SYT1: variants seen among roughly 807,000 people sequenced by gnomAD.
SYT1 encodes synaptotagmin-1.
Under a neutral mutation model 44.8 loss-of-function variants are expected in SYT1, and 8 were observed. That is an observed-to-expected ratio of 0.18 (90% CI 0.10 to 0.32). The LOEUF (loss-of-function observed/expected upper bound fraction) is 0.32. Among genes scored for constraint, SYT1 ranks in the 10% least tolerant of loss-of-function variants. The pLI is 1.00. For missense variants in SYT1, 286 were observed against 509.3 expected (o/e 0.56, Z 4.22); for synonymous variants, 154 against 188.8 (o/e 0.82, Z 1.51).
intron 1 of SYT1, among the ~76,000 whole-genome samples, chr12:78,884,072 C>T (rs1286423523): frequency 1.3e-5 from 2 of 151,384 alleles, no homozygotes; most frequent in Non-Finnish European, 1.5e-5. Context: ...TTTTTTCAGA[C>T]ACTGTTTTCT....
rs191226157 is a variant in SYT1 at position 79,357,564 on chromosome 12, T to C, written c.928+3945T>C. 1.6e-3 allele frequency among the ~76,000 whole-genome samples: 246 copies of C among 152,280 alleles called. 1 individual carries two copies. The highest frequency in any genetic ancestry group is 5.6e-3 in the African/African-American group (233 of 41,562). ...GTAATTGTATTTGTGTATCTAAACATAGAGAAGGTACAACAAAAATACAGT... is the reference window on the plus strand; with the variant it reads ...GTAATTGTATTTGTGTATCTAAACACAGAGAAGGTACAACAAAAATACAGT... On this transcript the variant is annotated intron_variant, in intron 9 of 10. Transcript: ENST00000261205.
At chr12:79,115,043 A>ACTGC (rs1879204870) in intron 3 of SYT1, among the ~76,000 whole-genome samples, 1 of 152,174 alleles carries the variant, frequency 6.6e-6, no homozygotes, top group African/African-American at 2.4e-5. Flanking sequence ...TTTCTCTTTA[A>ACTGC]AGTTGAAAAT....
At chr12:78,955,288 C>T (rs555178529) in intron 1 of SYT1, among the ~76,000 whole-genome samples, 1 of 152,210 alleles carries the variant, frequency 6.6e-6, no homozygotes, top group South Asian at 2.1e-4. Context: ...TTCAAACACA[C>T]ATTCAGGTTT....
At chr12:78,876,813 C>CATATAATATATTAATATATAATAT (rs1565697652) in intron 1 of SYT1, among the ~76,000 whole-genome samples, 2 of 5,952 alleles carry the variant, frequency 3.4e-4, no homozygotes, top group African/African-American at 7.5e-4. Flanking sequence ...ATATGTAATA[C>CATATAATATATTAATATATAATAT]ATATCATATA....
At chr12:79,322,217 T>C (rs764007778) in intron 8 of SYT1, among the ~76,000 whole-genome samples, 10 of 152,188 alleles carry the variant, frequency 6.6e-5, no homozygotes, top group Non-Finnish European at 1.3e-4. Flanking sequence ...AAATTTCATA[T>C]ATAGTAAGCT....
intron 1 of SYT1, among the ~76,000 whole-genome samples, chr12:78,894,649 G>A (rs1000611416): frequency 6.6e-6 from 1 of 151,342 alleles, no homozygotes; most frequent in Non-Finnish European, 1.5e-5. Context: ...TTACAATTAC[G>A]GCTATTTAAA....
At chr12:79,363,219 G>A (rs898677348) in intron 9 of SYT1, among the ~76,000 whole-genome samples, 2 of 152,100 alleles carry the variant, frequency 1.3e-5, no homozygotes, top group African/African-American at 4.8e-5. Flanking sequence ...TAAAAATTAT[G>A]TTTAGTGGGT....
At chr12:79,015,662 G>A (rs926927153) in intron 2 of SYT1, among the ~76,000 whole-genome samples, 5 of 152,060 alleles carry the variant, frequency 3.3e-5, no homozygotes, top group African/African-American at 1.2e-4. Context: ...TTGCTTAAAC[G>A]AATCCAAAAT....
intron 4 of SYT1, among the ~76,000 whole-genome samples, chr12:79,280,652 T>C (rs1236522810): frequency 6.6e-6 from 1 of 151,536 alleles, no homozygotes; most frequent in Non-Finnish European, 1.5e-5. Context: ...CAAAAATAAA[T>C]AAATAGGACT....
intron 1 of SYT1, among the ~76,000 whole-genome samples, chr12:78,891,305 T>G (rs1342382018): frequency 6.6e-6 from 1 of 151,886 alleles, no homozygotes; most frequent in Non-Finnish European, 1.5e-5. Flanking sequence ...ATCATCCACA[T>G]TTTGCAGATA....
At chr12:79,296,297 A>C in intron 7 of SYT1, 61 bp downstream of exon 7, 150 of 1,500,736 alleles carry the variant, frequency 1.0e-4, no homozygotes, top group Non-Finnish European at 1.2e-4. Flanking sequence ...GACTGATCTC[A>C]TCCTGACACA....
intron 1 of SYT1, among the ~76,000 whole-genome samples, chr12:78,909,584 G>A (rs1426481231): frequency 6.6e-6 from 1 of 151,708 alleles, no homozygotes; most frequent in African/African-American, 2.4e-5. Flanking sequence ...TTTTTCTTAT[G>A]GTTAAATTTT....
chr12:78,970,240 T>C (rs1282450968), intron 1 of SYT1, among the ~76,000 whole-genome samples: 4 of 152,184 alleles, frequency 2.6e-5, no homozygotes, highest in African/African-American at 4.8e-5. Context: ...CATTGTTATT[T>C]GTATTTGTGG....
At chr12:79,392,264 A>T (rs1264270300) in intron 9 of SYT1, 1 of 152,198 alleles carries the variant, frequency 6.6e-6, no homozygotes, top group East Asian at 1.9e-4. Context: ...TTATTTAAAA[A>T]GTTTTTATTT....
chr12:78,895,022 C>T (rs1324601983), intron 1 of SYT1, among the ~76,000 whole-genome samples: 1 of 151,480 alleles, frequency 6.6e-6, no homozygotes, highest in East Asian at 1.9e-4. Context: ...ACAATATAAA[C>T]ATACACAATT....
intron 2 of SYT1, among the ~76,000 whole-genome samples, chr12:79,006,983 C>CTGTATCCTTA (rs1196639891): frequency 6.6e-6 from 1 of 152,098 alleles, no homozygotes; most frequent in Non-Finnish European, 1.5e-5. Context: ...AGAAGTAGGT[C>CTGTATCCTTA]TGTATCCTTA....
chr12:78,889,465 G>A lies in SYT1; in HGVS notation c.-217+24356G>A, dbSNP rs78348720. On this transcript the variant is annotated intron_variant, in intron 1 of 10. Coordinates refer to ENST00000261205, the MANE Select transcript of SYT1 (RefSeq NM_005639.3). The stretch of plus-strand genomic sequence containing the variant: ...AATAAAGGTGAAATGCTCTACAATA[G>A]GTAAAAAGAGAAAAATCACTTAATA... 7.3e-3 allele frequency among the ~76,000 whole-genome samples: 1,112 copies of A among 151,926 alleles called. 12 individuals carry two copies. Among genetic ancestry groups the A allele is most frequent in the African/African-American group, 0.025 (1,054 of 41,488 alleles).
At chr12:79,227,226 T>C (rs1014219406) in intron 4 of SYT1, among the ~76,000 whole-genome samples, 1 of 152,070 alleles carries the variant, frequency 6.6e-6, no homozygotes, top group African/African-American at 2.4e-5. Context: ...AAATTAAGGC[T>C]TAAATTTTTT....
chr12:79,178,350 T>A (rs1872030745), intron 3 of SYT1, among the ~76,000 whole-genome samples: 1 of 152,032 alleles, frequency 6.6e-6, no homozygotes, highest in African/African-American at 2.4e-5. Context: ...TCCATCACCA[T>A]TATTTTTCTT....
Sources: allele counts gnomAD v4.1 joint callset (sites outside exome capture counted in the v4.1 genomes callset), GRCh38; gene constraint gnomAD v4.1.1; transcripts MANE v1.5; gene names NCBI Gene and HGNC (gene_info 2026-07-23, HGNC 2026-07-21).